Variants in UBE2K observed in about 807,000 individuals in gnomAD.
UBE2K encodes ubiquitin-conjugating enzyme E2 K.
UBE2K carries 6 observed loss-of-function variants against 30.0 expected under a neutral mutation model. The ratio of observed to expected loss-of-function variants is 0.20; its 90% CI spans 0.11 to 0.39. The LOEUF is 0.39. Among genes scored for constraint, UBE2K ranks in the 10% least tolerant of loss-of-function variants. The pLI is 1.00. For missense variants in UBE2K, 61 were observed against 241.6 expected, an observed-to-expected ratio of 0.25 and a Z score of 4.96; for synonymous variants, 86 against 83.7, an observed-to-expected ratio of 1.03 and a Z score of -0.15.
At chr4:39,760,208 A>C (rs1349460797) in intron 4 of UBE2K, among the ~76,000 whole-genome samples, 13 of 151,406 alleles carry the variant, frequency 8.6e-5, no homozygotes, top group African/African-American at 2.9e-4. Context: ...AAAAAAAAAA[A>C]AACAAATAAT....
At chr4:39,734,749 T>C (rs1352466910) in intron 1 of UBE2K, among the ~76,000 whole-genome samples, 1 of 152,168 alleles carries the variant, frequency 6.6e-6, no homozygotes, top group Non-Finnish European at 1.5e-5. Context: ...GAAGTTGAGG[T>C]GCAGTGAGCT....
At chr4:39,744,194 T>G (rs1720862394) in intron 2 of UBE2K, among the ~76,000 whole-genome samples, 1 of 151,582 alleles carries the variant, frequency 6.6e-6, no homozygotes, top group Non-Finnish European at 1.5e-5. Flanking sequence ...TATCCTTTCC[T>G]TGAGTACCCC....
At chr4:39,740,598 C>T (rs1443866032) in intron 2 of UBE2K, among the ~76,000 whole-genome samples, 1 of 151,258 alleles carries the variant, frequency 6.6e-6, no homozygotes. Flanking sequence ...TGCGGTGGCT[C>T]ACACCTGTAA....
At chr4:39,717,465 G>T (rs1719145625) in intron 1 of UBE2K, among the ~76,000 whole-genome samples, 1 of 152,024 alleles carries the variant, frequency 6.6e-6, no homozygotes, top group African/African-American at 2.4e-5. Context: ...TCCTGACCTT[G>T]TGATCCGCCC....
intron 4 of UBE2K, among the ~76,000 whole-genome samples, chr4:39,760,195 G>GAA (rs71194914): frequency 2.9e-5 from 3 of 102,592 alleles, no homozygotes; most frequent in African/African-American, 7.9e-5. Flanking sequence ...AAAAAAAACA[G>GAA]AAAAAAAAAA....
chr4:39,724,516 G>T (rs2109331912), intron 1 of UBE2K, among the ~76,000 whole-genome samples: 1 of 148,680 alleles, frequency 6.7e-6, no homozygotes, highest in East Asian at 2.0e-4. Flanking sequence ...GGAGGCTGAG[G>T]CAGGTGGATT....
intron 1 of UBE2K, among the ~76,000 whole-genome samples, chr4:39,719,472 A>G (rs1474656525): frequency 6.6e-6 from 1 of 152,172 alleles, no homozygotes; most frequent in Non-Finnish European, 1.5e-5. Context: ...AAAGCACACC[A>G]AAAAAGTCTT....
chr4:39,749,044 C>CT, intron 3 of UBE2K, among the ~76,000 whole-genome samples: 1 of 152,044 alleles, frequency 6.6e-6, no homozygotes. Context: ...AATTTTAAGT[C>CT]TTATGAGGTA....
Position 39,770,685 on chromosome 4 carries a change from G to A in UBE2K, c.300-4149G>A, listed in dbSNP as rs534564028. 4.2e-5 allele frequency: 67 copies of A among 1,576,784 alleles called. No individual in the cohort carries two copies. In the African/African-American group the frequency reaches 8.5e-4, roughly 20 times the overall value. Reference sequence around the variant, plus strand: ...ACCCTGCGGTGGGGCCACAGTGCTGGGGGGCACGCTGCTCTGGGCCAGCTC... The same window carrying A: ...ACCCTGCGGTGGGGCCACAGTGCTGAGGGGCACGCTGCTCTGGGCCAGCTC... On this transcript the variant is annotated intron_variant, in intron 4 of 6. Transcript: ENST00000261427.
rs188735712 is a variant in UBE2K, at chr4:39,720,204, C to T, written c.64-17216C>T. Among the ~76,000 whole-genome samples the T allele has an allele frequency of 1.3e-3, 195 of 152,260 alleles. 1 individual carries two copies. The highest frequency in any genetic ancestry group is 2.1e-3 in the Non-Finnish European group (140 of 68,028). Reference sequence around the variant, plus strand: ...GAGTTGAATATATTGATAAAGGTGGCCTCCAGGTAAAGTTGGATTTCTGTT... The same window carrying T: ...GAGTTGAATATATTGATAAAGGTGGTCTCCAGGTAAAGTTGGATTTCTGTT... On this transcript the variant is annotated intron_variant, in intron 1 of 6. Coordinates refer to ENST00000261427, the MANE Select transcript of UBE2K (RefSeq NM_005339.5).
intron 1 of UBE2K, among the ~76,000 whole-genome samples, chr4:39,708,293 G>A (rs1405827182): frequency 6.6e-6 from 1 of 152,100 alleles, no homozygotes; most frequent in African/African-American, 2.4e-5. Flanking sequence ...AAGCACATTT[G>A]CATATTTAGA....
intron 1 of UBE2K, among the ~76,000 whole-genome samples, chr4:39,699,976 A>C (rs544034301): frequency 4.3e-4 from 66 of 152,306 alleles, no homozygotes; most frequent in African/African-American, 1.5e-3. Context: ...ATTTAATATG[A>C]AAATGTATTC....
intron 4 of UBE2K, among the ~76,000 whole-genome samples, chr4:39,765,321 C>G (rs1451669456): frequency 6.6e-6 from 1 of 151,642 alleles, no homozygotes; most frequent in Non-Finnish European, 1.5e-5. Flanking sequence ...CCCAGGAGTT[C>G]AAGACCAGCC....
At chr4:39,707,714 C>T (rs1415191790) in intron 1 of UBE2K, among the ~76,000 whole-genome samples, 1 of 150,980 alleles carries the variant, frequency 6.6e-6, no homozygotes, top group African/African-American at 2.4e-5. Context: ...GAGATGGGGT[C>T]TCATTGTGTT....
At chr4:39,737,937 T>C (rs1406161221) in intron 2 of UBE2K, among the ~76,000 whole-genome samples, 1 of 152,214 alleles carries the variant, frequency 6.6e-6, no homozygotes, top group Admixed American at 6.5e-5. Context: ...CATTCACTCA[T>C]GTCTTCATAC....
Position 39,698,417 on chromosome 4 carries a change from C to G in UBE2K, c.63+27C>G, listed in dbSNP as rs1221071787. The G allele has an allele frequency of 1.9e-6, 3 of 1,597,986 alleles. No individual in the cohort carries two copies. In the African/African-American group the frequency reaches 4.0e-5, roughly 21 times the overall value. ...TCAGAAATGAACTCCCGGATATCCC[C>G]CACCTCTGCCTGGGGCGGGAGGGTC... On this transcript the variant is annotated intron_variant, in intron 1 of 6. Transcript: ENST00000261427.
At chr4:39,698,460 G>A in intron 1 of UBE2K, 70 bp downstream of exon 1, 1 of 1,435,274 alleles carries the variant, frequency 7.0e-7, no homozygotes, top group Admixed American at 1.9e-5. Flanking sequence ...CTGCGACCCC[G>A]ATATCCCCGG....
rs35461119 is a variant in UBE2K, at chr4:39,707,537, C to CT, written c.63+9161dup. 8.3e-3 allele frequency among the ~76,000 whole-genome samples: 1,165 copies of CT among 139,916 alleles called. 13 individuals are homozygous for CT. The highest frequency in any genetic ancestry group is 0.023 in the African/African-American group (868 of 38,470). 91.8% of individuals were successfully genotyped at this position (139,916 alleles called of 152,430 possible). The stretch of plus-strand genomic sequence containing the variant: ...TGAGGGAGGTTCTTGAGCTAGGTGC[C>CT]TTTTTTTTTTTTTTGAGATGGGGTC... On this transcript the variant is annotated intron_variant, in intron 1 of 6. Coordinates refer to ENST00000261427, the MANE Select transcript of UBE2K (RefSeq NM_005339.5).
intron 2 of UBE2K, among the ~76,000 whole-genome samples, chr4:39,742,779 C>T (rs1050470886): frequency 6.6e-6 from 1 of 152,116 alleles, no homozygotes; most frequent in African/African-American, 2.4e-5. Flanking sequence ...GGCGCAATGG[C>T]TTATGCCTGT....
Sources: gnomAD v4.1 joint callset for allele counts (sites outside exome capture counted in the v4.1 genomes callset) on GRCh38, gnomAD v4.1.1 for gene constraint, MANE v1.5 for transcripts, NCBI Gene and HGNC (gene_info 2026-07-23, HGNC 2026-07-21) for gene names.